CDH23: variants seen among roughly 807,000 people sequenced by gnomAD.
CDH23 encodes cadherin-23.
In CDH23, 189 loss-of-function variants were observed where a neutral mutation model predicts 317.1. The ratio of observed to expected loss-of-function variants is 0.60; its 90% CI spans 0.53 to 0.67. The LOEUF (loss-of-function observed/expected upper bound fraction) is 0.67, where lower values mean the gene tolerates loss of function less well. Among genes scored for constraint, CDH23 ranks in the 30% least tolerant of loss-of-function variants. The pLI is 0.00. For synonymous variants in CDH23, 1,839 were observed against 1,876.8 expected (o/e 0.98, Z 0.52); for missense variants, 4,401 against 4,592.4 (o/e 0.96, Z 1.20).
At chr10:71,682,811 C>T (rs774212154) in intron 18 of CDH23, among the ~76,000 whole-genome samples, 11 of 152,192 alleles carry the variant, frequency 7.2e-5, no homozygotes, top group African/African-American at 2.4e-4. Context: ...CAGGAAGAGA[C>T]ACATTGTCTG....
intron 3 of CDH23, among the ~76,000 whole-genome samples, chr10:71,455,986 G>A (rs1203475235): frequency 6.6e-6 from 1 of 152,088 alleles, no homozygotes; most frequent in Non-Finnish European, 1.5e-5. Flanking sequence ...CAGGGTTTCT[G>A]TCCAGGCAGT....
At chr10:71,619,540 AG>A (rs918279764) in intron 11 of CDH23, among the ~76,000 whole-genome samples, 4 of 152,176 alleles carry the variant, frequency 2.6e-5, no homozygotes, top group African/African-American at 9.7e-5. Context: ...ATAATGCCCA[AG>A]AGAAGAGAAA....
intron 11 of CDH23, among the ~76,000 whole-genome samples, chr10:71,633,156 G>A (rs1012886196): frequency 2.0e-5 from 3 of 151,888 alleles, no homozygotes; most frequent in African/African-American, 7.3e-5. Context: ...CCATTCATGG[G>A]TGCAGAGCCC....
chr10:71,493,553 T>C (rs989929459), intron 3 of CDH23, among the ~76,000 whole-genome samples: 11 of 152,180 alleles, frequency 7.2e-5, no homozygotes, highest in African/African-American at 2.7e-4. Flanking sequence ...TTATTTCCCA[T>C]TCCACTGGCA....
chr10:71,644,376 G>T (rs1862727786), intron 12 of CDH23, among the ~76,000 whole-genome samples: 1 of 152,248 alleles, frequency 6.6e-6, no homozygotes, highest in East Asian at 1.9e-4. Context: ...TTGCCAGTTT[G>T]CTAAAATGGG....
Position 71,469,445 on chromosome 10 carries a change from TC to T in CDH23, c.145+23052del, listed in dbSNP as rs374562505. Among the ~76,000 whole-genome samples, 872 of 152,372 alleles carry T rather than the reference TC, an allele frequency of 5.7e-3. 6 individuals carry two copies. Among genetic ancestry groups the T allele is most frequent in the Admixed American group, 8.8e-3 (134 of 15,310 alleles). Reference sequence around the variant, plus strand: ...TCCACTTAGCGTAATTATTTTGGAGTCCTTTTATATTGTGTATAACCACAGT... The same window carrying T: ...TCCACTTAGCGTAATTATTTTGGAGTCTTTTATATTGTGTATAACCACAGT... On this transcript the variant is annotated intron_variant, in intron 3 of 69. Transcript: ENST00000224721.
chr10:71,690,020 A>G (rs916685374), intron 19 of CDH23, among the ~76,000 whole-genome samples: 5 of 152,224 alleles, frequency 3.3e-5, no homozygotes, highest in Non-Finnish European at 7.3e-5. Context: ...AACATTAAAG[A>G]GAAAATAAAA....
intron 55 of CDH23, 47 bp from the exon 56 acceptor site, chr10:71,805,759 A>C (rs1399253245): frequency 1.3e-6 from 2 of 1,556,746 alleles, no homozygotes; most frequent in African/African-American, 2.7e-5. Flanking sequence ...CTAGGAGCTG[A>C]GATTCTTTCA....
chr10:71,484,259 C>T (rs78450521), intron 3 of CDH23, among the ~76,000 whole-genome samples: 7 of 152,324 alleles, frequency 4.6e-5, no homozygotes, highest in Admixed American at 6.5e-5. Flanking sequence ...AGCAATTTGC[C>T]GTGGCGAGGT....
At chr10:71,785,931 C>A (rs1841094565) in intron 44 of CDH23, among the ~76,000 whole-genome samples, 193 bp downstream of exon 44, 2 of 152,170 alleles carry the variant, frequency 1.3e-5, no homozygotes, top group African/African-American at 4.8e-5. Flanking sequence ...CTCTTGGCCT[C>A]CATTTCTCTT....
At chr10:71,527,322 T>C (rs980483331) in intron 6 of CDH23, among the ~76,000 whole-genome samples, 1 of 152,178 alleles carries the variant, frequency 6.6e-6, no homozygotes. Context: ...TGCTAAATCA[T>C]GAGCAAATCA....
intron 12 of CDH23, 63 bp from the exon 13 acceptor site, chr10:71,645,768 T>A (rs1473090080): frequency 6.5e-7 from 1 of 1,548,068 alleles, no homozygotes; most frequent in Non-Finnish European, 8.9e-7. Flanking sequence ...TGCTCCTCCA[T>A]TTGGGTCTAG....
chr10:71,625,421 A>AAAAAAAAAAAAAAAAAAAAC (rs778124827), intron 11 of CDH23, among the ~76,000 whole-genome samples: 2 of 92,360 alleles, frequency 2.2e-5, no homozygotes, highest in Non-Finnish European at 4.4e-5. Context: ...AAAAAAAAAA[A>AAAAAAAAAAAAAAAAAAAAC]AAATGACAAG....
rs894991080 is a variant in CDH23, at chr10:71,725,240, G to A, written c.3431-132G>A. The A allele has an allele frequency of 9.4e-6, 14 of 1,489,596 alleles. No individual in the cohort carries two copies. The African/African-American group carries it at 1.2e-4, about 13-fold the overall frequency. The allele number at this position is 1,489,596 out of a possible 1,614,324, so 92.3% of individuals were successfully genotyped here. A position where few individuals can be genotyped will look rare whatever the true frequency, so the allele number is the denominator to read the frequency against. ...CAGCTTCCTCTCCACTGTGAATTCTGTGTCCCAGAAGACCCGCAGCCTCCT... is the reference window on the plus strand; with the variant it reads ...CAGCTTCCTCTCCACTGTGAATTCTATGTCCCAGAAGACCCGCAGCCTCCT... On this transcript the variant is annotated intron_variant, in intron 29 of 69. Transcript: ENST00000224721.
chr10:71,773,450 G>C, intron 38 of CDH23: 1 of 1,584,674 alleles, frequency 6.3e-7, no homozygotes, highest in Non-Finnish European at 8.6e-7. Flanking sequence ...GTCGCCGTCG[G>C]ACGCGCAGAG....
intron 14 of CDH23, among the ~76,000 whole-genome samples, chr10:71,661,727 C>CCT (rs1863661802): frequency 8.0e-6 from 1 of 124,594 alleles, no homozygotes; most frequent in Admixed American, 8.0e-5. Flanking sequence ...CCCTGCGCGC[C>CCT]CTCCCACCCT....
intron 28 of CDH23, among the ~76,000 whole-genome samples, chr10:71,721,163 T>C (rs2132790326): frequency 6.6e-6 from 1 of 152,338 alleles, no homozygotes; most frequent in South Asian, 2.1e-4. Flanking sequence ...TGGATAGGCA[T>C]GCAAGGGCAT....
At chr10:71,665,002 A>T (rs2132641818) in intron 14 of CDH23, among the ~76,000 whole-genome samples, 1 of 152,320 alleles carries the variant, frequency 6.6e-6, no homozygotes, top group Non-Finnish European at 1.5e-5. Flanking sequence ...GTCTGCTAAA[A>T]AAAGATCCTC....
At chr10:71,403,454 T>TTCCTTCC (rs1227991708) in intron 1 of CDH23, among the ~76,000 whole-genome samples, 2 of 35,258 alleles carry the variant, frequency 5.7e-5, no homozygotes, top group Admixed American at 3.7e-4. Context: ...CCTTCCTTCC[T>TTCCTTCC]TTCCTTCCTT....
Sources: allele counts gnomAD v4.1 joint callset (sites outside exome capture counted in the v4.1 genomes callset), GRCh38; gene constraint gnomAD v4.1.1; transcripts MANE v1.5; gene names NCBI Gene and HGNC (gene_info 2026-07-23, HGNC 2026-07-21).